The following WWOX variants were observed in gnomAD, a reference collection of about 807,000 sequenced individuals.
WWOX encodes the protein WW domain-containing oxidoreductase.
In WWOX, 69 loss-of-function variants were observed where a neutral mutation model predicts 46.2. The ratio of observed to expected loss-of-function variants is 1.49; its 90% CI spans 1.23 to 1.82. The LOEUF (loss-of-function observed/expected upper bound fraction) is 1.82, where lower values mean the gene tolerates loss of function less well. Ranked by LOEUF, WWOX falls within the 40% of genes most tolerant of loss-of-function variation. The pLI is 0.00. For missense variants in WWOX, 919 were observed against 542.6 expected (o/e 1.69, Z -6.89); for synonymous variants, 359 against 202.6 (o/e 1.77, Z -6.56).
At chr16:78,783,488 CT>C (rs1004649880) in intron 8 of WWOX, among the ~76,000 whole-genome samples, 12 of 152,154 alleles carry the variant, frequency 7.9e-5, no homozygotes, top group African/African-American at 2.7e-4. Flanking sequence ...GAAAGTAGCT[CT>C]TTGTACCAAA....
chr16:78,930,556 G>A (rs1004106020), intron 8 of WWOX, among the ~76,000 whole-genome samples: 1 of 148,644 alleles, frequency 6.7e-6, no homozygotes, highest in African/African-American at 2.5e-5. Context: ...CTCCCAAAGT[G>A]CTGGGATCAC....
In WWOX at chr16:78,799,820, C is replaced by T. The variant is rs189681521; in HGVS notation, c.1056+367068C>T. Among the ~76,000 whole-genome samples, 5 of 152,180 alleles carry T rather than the reference C, an allele frequency of 3.3e-5. No homozygotes were observed. The East Asian group carries it at 9.6e-4, about 29-fold the overall frequency. On this transcript the variant is annotated intron_variant, in intron 8 of 8. Transcript: ENST00000566780. ...CTTTGGCTGTGTTGACAGAAGCTGC[C>T]CAATTATACCCAATATACAAATTTT...
At chr16:78,858,798 C>CTGGGATGG (rs2052632424) in intron 8 of WWOX, among the ~76,000 whole-genome samples, 2 of 151,470 alleles carry the variant, frequency 1.3e-5, no homozygotes, top group African/African-American at 4.9e-5. Flanking sequence ...CCCATCTCAG[C>CTGGGATGG]CTCCTCAGTT....
At chr16:79,061,411 G>T (rs2048355305) in intron 8 of WWOX, among the ~76,000 whole-genome samples, 1 of 152,248 alleles carries the variant, frequency 6.6e-6, no homozygotes, top group South Asian at 2.1e-4. Context: ...AATGTGTGCA[G>T]TGAGTGTGGG....
intron 8 of WWOX, among the ~76,000 whole-genome samples, chr16:78,765,569 C>T (rs143211083): frequency 0.011 from 1,648 of 152,154 alleles, 29 homozygotes; most frequent in African/African-American, 0.038. Context: ...ATCCTGGCTA[C>T]TCGGGAGGCT....
chr16:78,429,628 A>T (rs1321229803), intron 7 of WWOX, among the ~76,000 whole-genome samples: 2 of 152,138 alleles, frequency 1.3e-5, no homozygotes, highest in Non-Finnish European at 2.9e-5. Flanking sequence ...TATGCCATGT[A>T]GGTAGAGTTT....
At chr16:78,816,144 G>C (rs546476509) in intron 8 of WWOX, among the ~76,000 whole-genome samples, 1 of 152,274 alleles carries the variant, frequency 6.6e-6, no homozygotes, top group South Asian at 2.1e-4. Context: ...TCCAGTATCT[G>C]TTGTTTAAAC....
chr16:78,266,825 T>TCTCTCTCTCTC (rs58932901), intron 5 of WWOX, among the ~76,000 whole-genome samples: 1 of 142,364 alleles, frequency 7.0e-6, no homozygotes, highest in African/African-American at 2.6e-5. Flanking sequence ...TCTCTCTCTC[T>TCTCTCTCTCTC]GTCTCCCTCT....
chr16:78,709,142 A>G (rs2048385606), intron 8 of WWOX, among the ~76,000 whole-genome samples: 1 of 152,162 alleles, frequency 6.6e-6, no homozygotes, highest in East Asian at 1.9e-4. Flanking sequence ...CTCTAAATCC[A>G]TGAAAAAATA....
chr16:78,477,976 C>G (rs1019252736), intron 8 of WWOX, among the ~76,000 whole-genome samples: 3 of 152,086 alleles, frequency 2.0e-5, no homozygotes, highest in African/African-American at 7.2e-5. Flanking sequence ...AATATAAAAG[C>G]TGCAATAGGT....
chr16:78,776,970 G>A (rs2050206777), intron 8 of WWOX, among the ~76,000 whole-genome samples: 1 of 152,078 alleles, frequency 6.6e-6, no homozygotes, highest in African/African-American at 2.4e-5. Flanking sequence ...ATTTGGGTGG[G>A]GACACAGCCA....
intron 8 of WWOX, among the ~76,000 whole-genome samples, chr16:78,779,161 G>C (rs572915823): frequency 1.6e-4 from 25 of 152,204 alleles, no homozygotes; most frequent in African/African-American, 6.0e-4. Flanking sequence ...TTTGTTGTTT[G>C]TTTTTGAGAC....
At chr16:79,168,983 G>A (rs2050648460) in intron 8 of WWOX, among the ~76,000 whole-genome samples, 2 of 152,140 alleles carry the variant, frequency 1.3e-5, no homozygotes, top group Admixed American at 1.3e-4. Flanking sequence ...TCTTGATTCC[G>A]GAGCTTCCTT....
chr16:78,683,687 C>T (rs1449038902), intron 8 of WWOX, among the ~76,000 whole-genome samples: 1 of 152,174 alleles, frequency 6.6e-6, no homozygotes, highest in Non-Finnish European at 1.5e-5. Context: ...CAGGCACGAG[C>T]TGCCACGCCT....
intron 8 of WWOX, among the ~76,000 whole-genome samples, chr16:78,844,031 G>C (rs1259098266): frequency 6.6e-6 from 1 of 152,166 alleles, no homozygotes; most frequent in Non-Finnish European, 1.5e-5. Flanking sequence ...GTTAAAGACT[G>C]CTGGAATTTG....
At chr16:78,316,635 G>C (rs934889543) in intron 5 of WWOX, among the ~76,000 whole-genome samples, 1 of 152,042 alleles carries the variant, frequency 6.6e-6, no homozygotes, top group Non-Finnish European at 1.5e-5. Flanking sequence ...GAGCCACGGT[G>C]CCTGGCCAAG....
At chr16:79,130,715 G>T (rs1457811609) in intron 8 of WWOX, among the ~76,000 whole-genome samples, 22 of 152,224 alleles carry the variant, frequency 1.4e-4, no homozygotes, top group Admixed American at 1.4e-3. Flanking sequence ...CTGCGGTACT[G>T]GCGTCCTTCC....
intron 5 of WWOX, among the ~76,000 whole-genome samples, chr16:78,293,978 GAAAAAA>G (rs35079271): frequency 9.9e-5 from 3 of 30,312 alleles, no homozygotes; most frequent in Non-Finnish European, 2.0e-4. Flanking sequence ...CTCTGTCTCA[GAAAAAA>G]AAAAAAAAAA....
In WWOX at chr16:79,008,312, C is replaced by T. The variant is rs74500942; in HGVS notation, c.1057-203296C>T. 6.4e-3 allele frequency among the ~76,000 whole-genome samples: 980 copies of T among 152,286 alleles called. 2 individuals carry two copies. The highest frequency in any genetic ancestry group is 0.012 in the Admixed American group (190 of 15,296). On this transcript the variant is annotated intron_variant, in intron 8 of 8. Coordinates refer to ENST00000566780, the MANE Select transcript of WWOX (RefSeq NM_016373.4). The stretch of plus-strand genomic sequence containing the variant: ...GTCACTCTCTTCAGTGAGGGCCCAG[C>T]CCCTTTTAAGGGCCTAGCGATTAGA...
Sources: allele counts gnomAD v4.1 joint callset (sites outside exome capture counted in the v4.1 genomes callset), GRCh38; gene constraint gnomAD v4.1.1; transcripts MANE v1.5; gene names NCBI Gene and HGNC (gene_info 2026-07-23, HGNC 2026-07-21).